Variants in EML2 observed in about 807,000 individuals in gnomAD.
EML2 encodes EMAP like 2.
In EML2, 59 loss-of-function variants were observed where a neutral mutation model predicts 84.7. The observed-to-expected ratio is 0.70, with a 90% CI of 0.56 to 0.86. EML2 has a LOEUF of 0.86. EML2 is among the 40% of genes least tolerant of loss of function. The pLI is 0.00. For synonymous variants in EML2, 352 were observed against 348.9 expected, an observed-to-expected ratio of 1.01 and a Z score of -0.10; for missense variants, 818 against 855.6, an observed-to-expected ratio of 0.96 and a Z score of 0.55.
At position 45,613,527 on chromosome 19, in the gene EML2, C is replaced by T. The variant is rs777714421; in HGVS notation, c.1824+14G>A. ...TGCTACCCCCGTCCATCCCCATCTCCCCAAGGGACTCACTCGAGGCTGACA... is the reference window on the plus strand; with the variant it reads ...TGCTACCCCCGTCCATCCCCATCTCTCCAAGGGACTCACTCGAGGCTGACA... On this transcript the variant is annotated intron_variant, in intron 18 of 18. Coordinates refer to ENST00000245925, the MANE Select transcript of EML2 (RefSeq NM_012155.4). The T allele has an allele frequency of 3.1e-6, 5 of 1,613,462 alleles. No individual in the cohort carries two copies. In the Admixed American group the frequency reaches 8.3e-5, roughly 27 times the overall value.
chr19:45,645,138 G>A (rs1377717168), upstream of EML2: 2 of 1,032,956 alleles, frequency 1.9e-6, no homozygotes, highest in Non-Finnish European at 2.7e-6. Flanking sequence ...CTTGGGTCAG[G>A]GTCCTGCTGA....
intron 6 of EML2, among the ~76,000 whole-genome samples, chr19:45,630,477 G>GCCA (rs2122736464): frequency 6.6e-6 from 1 of 151,564 alleles, no homozygotes; most frequent in South Asian, 2.1e-4. Context: ...CGCTTGAACT[G>GCCA]GGAGGCAGAG....
chr19:45,609,540 C>A lies in EML2; in HGVS notation c.*123G>T. ...ATAGAGACTTCTGTATGTCAGTCTA[C>A]CCTCCCGCCCCCATAACCCCCTCTG... On this transcript the variant is annotated 3_prime_UTR_variant, in exon 19 of 19. Coordinates refer to ENST00000245925, the MANE Select transcript of EML2 (RefSeq NM_012155.4). The A allele has an allele frequency of 2.0e-6, 2 of 1,018,030 alleles. No individual in the cohort carries two copies. Among genetic ancestry groups the A allele is most frequent in the African/African-American group, 1.7e-5 (1 of 59,724 alleles). 63.1% of individuals were successfully genotyped at this position (1,018,030 alleles called of 1,614,324 possible).
In EML2 at chr19:45,619,087, G is replaced by T. The variant is rs559646218; in HGVS notation, c.1227C>A (p.His409Gln). 9.3e-6 allele frequency: 15 copies of T among 1,613,394 alleles called. No homozygotes were observed. The South Asian group carries it at 1.6e-4, about 18-fold the overall frequency. The change falls in exon 12 of 19, where the codon CAC (histidine) becomes CAA (glutamine). Residue 409 changes from histidine to glutamine, a missense_variant. By Grantham distance (24) the His-to-Gln change is conservative (BLOSUM62 0). Transcript: ENST00000245925. ...CGATGATCCTGCTCCACAGGGGCTG[G>T]TGGGAATCTGAGCTCCATAGATGCA... ...KLVHLWSSDS[H>Q]QPLWSRIIED...
chr19:45,635,669 G>A (rs1010188610), intron 3 of EML2, among the ~76,000 whole-genome samples: 4 of 138,742 alleles, frequency 2.9e-5, no homozygotes, highest in Admixed American at 8.0e-5. Context: ...CTCAGCTCAC[G>A]GCAACCTCCA....
rs1432513520 is a variant in EML2 at position 45,629,816 on chromosome 19, C to T, written c.606+135G>A. On this transcript the variant is annotated intron_variant, in intron 7 of 18. Coordinates refer to ENST00000245925, the MANE Select transcript of EML2 (RefSeq NM_012155.4). ...AGGCTCTGAGGTGGCAAGCGGCTTG[C>T]TCAAGTCACACAGCCAGCAAGGAGT... The T allele has an allele frequency of 5.7e-6, 4 of 696,244 alleles. No homozygotes were observed. The South Asian group carries it at 6.4e-5, about 11-fold the overall frequency. The allele number at this position is 696,244 out of a possible 1,614,324, so 43.1% of individuals were successfully genotyped here.
intron 9 of EML2, among the ~76,000 whole-genome samples, chr19:45,624,371 G>C (rs1164612361): frequency 6.6e-6 from 1 of 151,926 alleles, no homozygotes; most frequent in Non-Finnish European, 1.5e-5. Context: ...CTTATTCATT[G>C]ATCCACACGC....
At chr19:45,624,955 C>G (rs964541526) in intron 8 of EML2, 137 bp from the exon 9 acceptor site, 3 of 643,420 alleles carry the variant, frequency 4.7e-6, no homozygotes, top group Non-Finnish European at 5.5e-6. Flanking sequence ...CGTGGAGCAT[C>G]CCTTCTCCCA....
rs555842951 is a variant in EML2 at position 45,624,156 on chromosome 19, C to T, written c.841+563G>A. ...GCTGAAACAACCATTCATTCATTCA[C>T]TCACTCATTCACTCATTCATTCATT... On this transcript the variant is annotated intron_variant, in intron 9 of 18. Coordinates refer to ENST00000245925, the MANE Select transcript of EML2 (RefSeq NM_012155.4). Among the ~76,000 whole-genome samples the T allele has an allele frequency of 2.1e-4, 32 of 152,360 alleles. 1 individual carries two copies. The South Asian group carries it at 6.6e-3, about 32-fold the overall frequency.
intron 6 of EML2, among the ~76,000 whole-genome samples, chr19:45,630,509 G>A (rs896376421): frequency 3.6e-5 from 5 of 137,488 alleles, no homozygotes; most frequent in South Asian, 4.6e-4. Flanking sequence ...CCAAGATTGC[G>A]CCATTGCACT....
At chr19:45,627,988 C>T (rs1972569344) in intron 7 of EML2, among the ~76,000 whole-genome samples, 1 of 151,814 alleles carries the variant, frequency 6.6e-6, no homozygotes, top group Non-Finnish European at 1.5e-5. Flanking sequence ...TTGCTTGAAC[C>T]CGGGAGGCGG....
At chr19:45,640,419 G>GTTTTTTTT (rs55686927), upstream of EML2, 1 of 144,924 alleles carries the variant, frequency 6.9e-6, no homozygotes, top group Non-Finnish European at 1.5e-5. Context: ...TTTGTTTTTT[G>GTTTTTTTT]TTTTTTGTTT....
At chr19:45,635,494 A>G (rs773670764) in intron 3 of EML2, among the ~76,000 whole-genome samples, 3 of 149,840 alleles carry the variant, frequency 2.0e-5, no homozygotes, top group Non-Finnish European at 4.4e-5. Flanking sequence ...CAACAAGGTC[A>G]TTGGAATGAG....
intron 18 of EML2, among the ~76,000 whole-genome samples, chr19:45,610,410 C>T (rs1406198105): frequency 6.8e-6 from 1 of 146,008 alleles, no homozygotes; most frequent in Non-Finnish European, 1.5e-5. Flanking sequence ...AAAAAAGAAC[C>T]AACAGAACAG....
rs182585545 is a variant in EML2, at chr19:45,635,057, G to A, written c.180-586C>T. Among the ~76,000 whole-genome samples the A allele has an allele frequency of 5.3e-3, 804 of 151,900 alleles. 6 individuals are homozygous for A. Among genetic ancestry groups the A allele is most frequent in the African/African-American group, 0.017 (703 of 41,406 alleles). On this transcript the variant is annotated intron_variant, in intron 3 of 18. Transcript: ENST00000245925. ...ATAGAGATGGGATTTCACCATGTTG[G>A]CCAGGATGGTCTCAATCTCCTGACC...
intron 3 of EML2, among the ~76,000 whole-genome samples, chr19:45,636,633 A>G (rs1202526996): frequency 6.6e-6 from 1 of 152,100 alleles, no homozygotes; most frequent in East Asian, 1.9e-4. Context: ...CCCCAGCCCT[A>G]TGTCTCAGAT....
At chr19:45,620,509 G>A (rs1782279066) in intron 11 of EML2, among the ~76,000 whole-genome samples, 1 of 151,898 alleles carries the variant, frequency 6.6e-6, no homozygotes, top group South Asian at 2.1e-4. Context: ...AGGAGTTTGA[G>A]ACCAGCCTGA....
At chr19:45,637,161 C>T (rs1292134438) in intron 3 of EML2, among the ~76,000 whole-genome samples, 1 of 152,208 alleles carries the variant, frequency 6.6e-6, no homozygotes, top group African/African-American at 2.4e-5. Flanking sequence ...AAGGCCAGGC[C>T]ATTTCACCAA....
intron 12 of EML2, chr19:45,618,766 G>A (rs1382432926): frequency 1.2e-5 from 2 of 167,370 alleles, no homozygotes; most frequent in Non-Finnish European, 2.6e-5. Flanking sequence ...GACCAACATG[G>A]TGAAACCCTG....
Sources: allele counts gnomAD v4.1 joint callset (sites outside exome capture counted in the v4.1 genomes callset), GRCh38; gene constraint gnomAD v4.1.1; transcripts MANE v1.5; gene names NCBI Gene and HGNC (gene_info 2026-07-23, HGNC 2026-07-21).